Variants in SLCO6A1 observed in about 807,000 individuals in gnomAD.
The protein encoded by SLCO6A1 is cancer/testis antigen 48.
SLCO6A1 carries 65 observed loss-of-function variants against 72.7 expected under a neutral mutation model. That is an observed-to-expected ratio of 0.89 (90% CI 0.73 to 1.10). SLCO6A1 has a LOEUF of 1.10. SLCO6A1 is among the 50% of genes least tolerant of loss of function. The pLI is 0.00. For missense variants in SLCO6A1, 874 were observed against 872.6 expected (o/e 1.00, Z -0.02); for synonymous variants, 314 against 298.2 (o/e 1.05, Z -0.55).
chr5:102,427,015 G>T (rs926025304), intron 7 of SLCO6A1, among the ~76,000 whole-genome samples: 3 of 151,498 alleles, frequency 2.0e-5, no homozygotes, highest in Non-Finnish European at 4.4e-5. Flanking sequence ...ACTAACACAG[G>T]AACAGGAAAT....
chr5:102,402,323 C>T (rs1747443413), intron 9 of SLCO6A1, among the ~76,000 whole-genome samples: 1 of 151,992 alleles, frequency 6.6e-6, no homozygotes, highest in Admixed American at 6.6e-5. Flanking sequence ...TGCCAGTGAA[C>T]CAGGGCCTAA....
At chr5:102,497,698 G>T (rs1192699730) in intron 1 of SLCO6A1, among the ~76,000 whole-genome samples, 1 of 152,178 alleles carries the variant, frequency 6.6e-6, no homozygotes, top group Non-Finnish European at 1.5e-5. Context: ...TCATTCCTGG[G>T]CTTAGGCCGA....
At chr5:102,403,950 C>A (rs1323886888) in intron 9 of SLCO6A1, among the ~76,000 whole-genome samples, 1 of 151,910 alleles carries the variant, frequency 6.6e-6, no homozygotes, top group African/African-American at 2.4e-5. Flanking sequence ...TATTTTTCTA[C>A]TTTTTATTTT....
intron 4 of SLCO6A1, among the ~76,000 whole-genome samples, chr5:102,469,884 G>A (rs1304002737): frequency 6.6e-6 from 1 of 152,122 alleles, no homozygotes; most frequent in Non-Finnish European, 1.5e-5. Flanking sequence ...GCTGAATTTT[G>A]TTGAAGGCCT....
At chr5:102,448,326 G>C (rs1750228975) in intron 6 of SLCO6A1, among the ~76,000 whole-genome samples, 1 of 152,188 alleles carries the variant, frequency 6.6e-6, no homozygotes, top group Non-Finnish European at 1.5e-5. Context: ...GCCATGTGCA[G>C]ATGAGAAGAA....
chr5:102,476,608 C>T (rs1751912554), intron 3 of SLCO6A1, among the ~76,000 whole-genome samples: 1 of 152,036 alleles, frequency 6.6e-6, no homozygotes, highest in African/African-American at 2.4e-5. Context: ...TAAAACTAAC[C>T]ATCATACATA....
intron 7 of SLCO6A1, among the ~76,000 whole-genome samples, chr5:102,424,035 A>C (rs1375558787): frequency 6.6e-6 from 1 of 152,220 alleles, no homozygotes; most frequent in Admixed American, 6.5e-5. Flanking sequence ...TGGGTAAATA[A>C]TAAAATTAAG....
At chr5:102,409,024 G>A (rs1045531683) in intron 9 of SLCO6A1, among the ~76,000 whole-genome samples, 8 of 151,920 alleles carry the variant, frequency 5.3e-5, no homozygotes, top group Non-Finnish European at 1.0e-4. Flanking sequence ...CTATATCAGC[G>A]GCTGAAAGGA....
At chr5:102,386,766 A>G (rs1323528866) in intron 12 of SLCO6A1, among the ~76,000 whole-genome samples, 2 of 152,114 alleles carry the variant, frequency 1.3e-5, no homozygotes, top group African/African-American at 2.4e-5. Context: ...GCAGGCCTGG[A>G]GTTTCCTCCA....
Position 102,478,782 on chromosome 5 carries a change from G to C in SLCO6A1, c.617-921C>G, listed in dbSNP as rs190663900. ...AACAAAATGCTCTTAAAATAATATTGTGGAAACACTATTAAAGTGCAGATT... is the reference window on the plus strand; with the variant it reads ...AACAAAATGCTCTTAAAATAATATTCTGGAAACACTATTAAAGTGCAGATT... On this transcript the variant is annotated intron_variant, in intron 2 of 13. Coordinates refer to ENST00000506729, the MANE Select transcript of SLCO6A1 (RefSeq NM_173488.5). Among the ~76,000 whole-genome samples, 9 of 152,168 alleles carry C rather than the reference G, an allele frequency of 5.9e-5. No homozygotes were observed. The East Asian group carries it at 1.7e-3, about 29-fold the overall frequency.
intron 7 of SLCO6A1, among the ~76,000 whole-genome samples, chr5:102,430,887 A>G (rs974730677): frequency 6.6e-6 from 1 of 152,004 alleles, no homozygotes; most frequent in African/African-American, 2.4e-5. Flanking sequence ...TCTTCTTTGT[A>G]CATTTGGTAG....
chr5:102,440,401 C>A (rs550111708), intron 6 of SLCO6A1, among the ~76,000 whole-genome samples: 1 of 152,056 alleles, frequency 6.6e-6, no homozygotes, highest in Non-Finnish European at 1.5e-5. Context: ...TTAGGTTGTG[C>A]GATCCCCATG....
chr5:102,471,234 A>G (rs1438481884), intron 4 of SLCO6A1, among the ~76,000 whole-genome samples: 1 of 152,040 alleles, frequency 6.6e-6, no homozygotes, highest in Non-Finnish European at 1.5e-5. Context: ...ACCCCTTCAG[A>G]GAGGTTCAAT....
chr5:102,485,921 C>G (rs537464710), intron 1 of SLCO6A1, among the ~76,000 whole-genome samples: 11 of 152,248 alleles, frequency 7.2e-5, no homozygotes, highest in African/African-American at 2.6e-4. Context: ...GATAAAAACT[C>G]TCTACAAGTG....
At position 102,486,817 on chromosome 5, in the gene SLCO6A1, T is replaced by A. The variant is rs190177773; in HGVS notation, c.359-6383A>T. On this transcript the variant is annotated intron_variant, in intron 1 of 13. Coordinates refer to ENST00000506729, the MANE Select transcript of SLCO6A1 (RefSeq NM_173488.5). ...ATTCGTGTAAATATCGTTACAGAAA[T>A]AAATAATTGTATCTTCAAAAATGAA... 2.3e-4 allele frequency among the ~76,000 whole-genome samples: 35 copies of A among 152,246 alleles called. 1 individual carries two copies. The highest frequency in any genetic ancestry group is 1.2e-3 in the Admixed American group (19 of 15,298).
intron 12 of SLCO6A1, 66 bp from the exon 13 acceptor site, chr5:102,373,560 G>A (rs1745604765): frequency 6.9e-6 from 8 of 1,157,118 alleles, no homozygotes; most frequent in Non-Finnish European, 4.5e-6. Flanking sequence ...AGGCAAAAAT[G>A]CTATTTACCA....
At chr5:102,396,916 C>A (rs1747116037) in intron 10 of SLCO6A1, among the ~76,000 whole-genome samples, 1 of 152,140 alleles carries the variant, frequency 6.6e-6, no homozygotes, top group Admixed American at 6.5e-5. Flanking sequence ...CTTACAGAGC[C>A]ATGAATGCTT....
Position 102,498,914 on chromosome 5 carries a change from C to G in SLCO6A1, c.-70G>C. On this transcript the variant is annotated 5_prime_UTR_variant, in exon 1 of 14. Transcript: ENST00000506729. ...GGCTGCCCGTCCTGCCTGGGCCAACCCAAAGGCCAGCCTGGCGAGGGCGTC... is the reference window on the plus strand; with the variant it reads ...GGCTGCCCGTCCTGCCTGGGCCAACGCAAAGGCCAGCCTGGCGAGGGCGTC... 7.0e-7 allele frequency: 1 copy of G among 1,435,450 alleles called. No individual in the cohort carries two copies. Among genetic ancestry groups the G allele is most frequent in the Non-Finnish European group, 9.4e-7 (1 of 1,067,066 alleles). 88.9% of individuals were successfully genotyped at this position (1,435,450 alleles called of 1,614,324 possible).
intron 7 of SLCO6A1, among the ~76,000 whole-genome samples, chr5:102,426,905 T>C (rs1748923430): frequency 6.6e-6 from 1 of 152,064 alleles, no homozygotes; most frequent in Admixed American, 6.6e-5. Flanking sequence ...AAAGAAAATG[T>C]GGCACATATA....
Sources: gnomAD v4.1 joint callset for allele counts (sites outside exome capture counted in the v4.1 genomes callset) on GRCh38, gnomAD v4.1.1 for gene constraint, MANE v1.5 for transcripts, NCBI Gene and HGNC (gene_info 2026-07-23, HGNC 2026-07-21) for gene names.